Variants in TTC39A observed in about 807,000 individuals in gnomAD.
TTC39A encodes the protein tetratricopeptide repeat domain 39A, also known as tetratricopeptide repeat protein 39A.
In TTC39A, 46 loss-of-function variants were observed where a neutral mutation model predicts 82.3. That is an observed-to-expected ratio of 0.56 (90% CI 0.44 to 0.71). The LOEUF (loss-of-function observed/expected upper bound fraction) is 0.71. Ranked by LOEUF, TTC39A falls within the 30% of genes least tolerant of loss-of-function variation. The pLI, the probability that TTC39A is intolerant of heterozygous loss-of-function variation, is 0.00. For missense variants in TTC39A, 543 were observed against 712.9 expected (o/e 0.76, Z 2.71); for synonymous variants, 254 against 275.2 (o/e 0.92, Z 0.76).
chr1:51,321,641 A>G lies in TTC39A; in HGVS notation c.146+80T>C. 2 of 1,338,166 alleles carry G rather than the reference A, an allele frequency of 1.5e-6. No individual in the cohort carries two copies. The highest frequency in any genetic ancestry group is 2.1e-6 in the Non-Finnish European group (2 of 950,840). The allele number at this position is 1,338,166 out of a possible 1,614,324, so 82.9% of individuals were successfully genotyped here. A position where few individuals can be genotyped will look rare whatever the true frequency, so the allele number is the denominator to read the frequency against. ...GAAAGCCAAAGGCATTTAGTTACAC[A>G]GGGTTCCTCTCATACAAGACCTCTG... On this transcript the variant is annotated intron_variant, in intron 2 of 17. Transcript: ENST00000680483. The surrounding 1 kb of genome is among the most constrained non-coding windows in gnomAD (Gnocchi z 4.6).
intron 2 of TTC39A, among the ~76,000 whole-genome samples, chr1:51,314,160 G>A (rs768019033): frequency 2.6e-5 from 4 of 152,246 alleles, no homozygotes; most frequent in Admixed American, 6.5e-5. Flanking sequence ...GCTGAAGGGT[G>A]TGTTGGGGGC....
upstream of TTC39A, chr1:51,331,924 G>C (rs1011142263): frequency 1.7e-6 from 1 of 577,546 alleles, no homozygotes; most frequent in African/African-American, 2.0e-5. Flanking sequence ...ACCAGATCGG[G>C]GAGCAGCATG....
At chr1:51,312,512 C>T (rs964219148) in intron 3 of TTC39A, among the ~76,000 whole-genome samples, 24 of 152,256 alleles carry the variant, frequency 1.6e-4, no homozygotes, top group African/African-American at 5.3e-4. Flanking sequence ...ACCTGTCCGA[C>T]GTTTCGGCTC....
At chr1:51,315,815 CCTT>C (rs1197261034) in intron 2 of TTC39A, among the ~76,000 whole-genome samples, 1 of 152,222 alleles carries the variant, frequency 6.6e-6, no homozygotes. Flanking sequence ...CTGGCTGACT[CCTT>C]CTCATCCAGT....
chr1:51,304,954 C>A (rs1256297338), intron 8 of TTC39A, 127 bp downstream of exon 8: 1 of 954,150 alleles, frequency 1.0e-6, no homozygotes, highest in Non-Finnish European at 1.6e-6. Context: ...TTGTCCAGGG[C>A]CATACAATGA....
intron 1 of TTC39A, among the ~76,000 whole-genome samples, chr1:51,338,795 G>T (rs1646003519): frequency 6.6e-6 from 1 of 151,822 alleles, no homozygotes. Context: ...TAGAGACAAG[G>T]TTTCACCATG....
chr1:51,314,799 C>T, intron 2 of TTC39A, among the ~76,000 whole-genome samples: 1 of 152,358 alleles, frequency 6.6e-6, no homozygotes, highest in Non-Finnish European at 1.5e-5. Flanking sequence ...TCTCATGTCT[C>T]ATAGCCTCTC....
At chr1:51,319,304 T>C (rs962345080) in intron 2 of TTC39A, among the ~76,000 whole-genome samples, 1 of 151,196 alleles carries the variant, frequency 6.6e-6, no homozygotes, top group Non-Finnish European at 1.5e-5. Context: ...AAAAATCAGA[T>C]GGAATAAAAA....
At chr1:51,334,882 C>G (rs570601357), upstream of TTC39A, 3 of 152,286 alleles carry the variant, frequency 2.0e-5, no homozygotes, top group Non-Finnish European at 4.4e-5. Flanking sequence ...GTGGCCCACC[C>G]CTCAGGAGGG....
intron 14 of TTC39A, among the ~76,000 whole-genome samples, chr1:51,292,621 G>A (rs887863939): frequency 1.2e-4 from 18 of 152,004 alleles, no homozygotes; most frequent in Non-Finnish European, 2.5e-4. Flanking sequence ...TGTAAAGATG[G>A]GGTTTCACCA....
chr1:51,288,280 C>T lies in TTC39A; in HGVS notation c.1611G>A (p.Lys537=), dbSNP rs749210008. 2 of 1,613,896 alleles carry T rather than the reference C, an allele frequency of 1.2e-6. No individual in the cohort carries two copies. Among genetic ancestry groups the T allele is most frequent in the Admixed American group, 1.7e-5 (1 of 60,004 alleles). Residue 537 remains lysine, a splice_region_variant and synonymous_variant, in exon 18 of 18, where the codon AAG becomes AAA. Transcript: ENST00000680483. The surrounding 1 kb of genome is among the most constrained non-coding windows in gnomAD (Gnocchi z 4.8). ...CCATGGAGTAATTCTTGTAGTTTTG[C>T]CTGGAATTGAGCAGCGAATCAGACA... ...EEAIKLLESA[K]QNYKNYSMES... is the part of the protein sequence containing the mutation.
At chr1:51,317,212 C>G (rs562099395) in intron 2 of TTC39A, among the ~76,000 whole-genome samples, 6 of 152,190 alleles carry the variant, frequency 3.9e-5, no homozygotes, top group Non-Finnish European at 8.8e-5. Context: ...ATGTGTGCAG[C>G]GAAGAACAGC....
At chr1:51,331,529 G>T, upstream of TTC39A, 1 of 985,454 alleles carries the variant, frequency 1.0e-6, no homozygotes, top group Non-Finnish European at 1.2e-6. Context: ...GACGTCAGAA[G>T]AGGAAGCAGA....
chr1:51,327,243 G>A (rs912236678), intron 1 of TTC39A, among the ~76,000 whole-genome samples: 6 of 152,200 alleles, frequency 3.9e-5, no homozygotes, highest in East Asian at 1.9e-4. Context: ...CGGAGCGGTC[G>A]CTCAGGAAGC....
At chr1:51,316,767 C>T (rs1645300999) in intron 2 of TTC39A, among the ~76,000 whole-genome samples, 1 of 152,206 alleles carries the variant, frequency 6.6e-6, no homozygotes, top group South Asian at 2.1e-4. Flanking sequence ...ACTTGCTGCA[C>T]CCCCACACAT....
rs1464783228 is a variant in TTC39A, at chr1:51,302,420, C to T, written c.832-4G>A. On this transcript the variant is annotated splice_region_variant and splice_polypyrimidine_tract_variant and intron_variant, in intron 10 of 17. Coordinates refer to ENST00000680483, the MANE Select transcript of TTC39A (RefSeq NM_001297663.2). Reference sequence around the variant, plus strand: ...CAAAGAACAGGAAGATGGCACCCTGCAATGACACACATGTAAGTCCGTGTG... The same window carrying T: ...CAAAGAACAGGAAGATGGCACCCTGTAATGACACACATGTAAGTCCGTGTG... The T allele has an allele frequency of 6.2e-7, 1 of 1,609,188 alleles. No individual in the cohort carries two copies. Among genetic ancestry groups the T allele is most frequent in the Admixed American group, 1.7e-5 (1 of 59,214 alleles).
chr1:51,327,659 TGTGA>T (rs1250206254), intron 1 of TTC39A, among the ~76,000 whole-genome samples: 5 of 151,804 alleles, frequency 3.3e-5, no homozygotes, highest in Admixed American at 2.0e-4. Context: ...ACTCAGAAAA[TGTGA>T]GTAATTATTA....
At position 51,321,760 on chromosome 1, in the gene TTC39A, G is replaced by C. The variant is rs1416280773; in HGVS notation, c.107C>G (p.Thr36Ser). The stretch of plus-strand genomic sequence containing the variant: ...GCTGAGTGCTTCTGAGAACTGGTTG[G>C]TGAGGAAGAGGTCCAGGGCGGTCAT... ...QCMTALDLFL[T>S]NQFSEALSYL... The change falls in exon 2 of 18, where the codon ACC becomes AGC. Residue 36 changes from threonine to serine, a missense_variant. Coordinates refer to ENST00000680483, the MANE Select transcript of TTC39A (RefSeq NM_001297663.2). This position sits in a 1 kb window ranked among gnomAD's most constrained non-coding sequence, Gnocchi z 4.6. 2 of 1,613,864 alleles carry C rather than the reference G, an allele frequency of 1.2e-6. No individual in the cohort carries two copies. The highest frequency in any genetic ancestry group is 2.7e-5 in the African/African-American group (2 of 74,924).
chr1:51,289,957 C>T (rs1335817129), intron 16 of TTC39A, 48 bp downstream of exon 16: 1 of 1,513,040 alleles, frequency 6.6e-7, no homozygotes, highest in Non-Finnish European at 9.0e-7. Context: ...CCTGAATATT[C>T]TACCCAGGAG....
Sources: gnomAD v4.1 joint callset for allele counts (sites outside exome capture counted in the v4.1 genomes callset) on GRCh38, gnomAD v4.1.1 for gene constraint, Gnocchi (gnomAD v3.1) non-coding constraint, MANE v1.5 for transcripts, NCBI Gene and HGNC (gene_info 2026-07-23, HGNC 2026-07-21) for gene names.